The following NCOA6 variants were observed in gnomAD, a reference collection of about 807,000 sequenced individuals.
NCOA6 encodes the protein NRC RAP250.
A neutral mutation model predicts 171.4 loss-of-function variants in NCOA6; 49 were observed. That is an observed-to-expected ratio of 0.29 (90% CI 0.23 to 0.36). The LOEUF is 0.36. Among genes scored for constraint, NCOA6 ranks in the 10% least tolerant of loss-of-function variants. NCOA6 has a pLI of 1.00. For synonymous variants in NCOA6, 910 were observed against 927.5 expected (o/e 0.98, Z 0.34); for missense variants, 2,248 against 2,554.5 (o/e 0.88, Z 2.59).
rs1390994698 is a variant in NCOA6 at position 34,768,367 on chromosome 20, T to G, written c.514+97A>C. On this transcript the variant is annotated intron_variant, in intron 5 of 14. Coordinates refer to ENST00000359003, the MANE Select transcript of NCOA6 (RefSeq NM_014071.5). The stretch of plus-strand genomic sequence containing the variant: ...ATTCAGCAAATAGAGATGTTAAGTA[T>G]GCCATGAACCCCCACCTATCTTGCA... 8 of 1,459,454 alleles carry G rather than the reference T, an allele frequency of 5.5e-6. No individual in the cohort carries two copies. In the East Asian group the frequency reaches 1.6e-4, roughly 29 times the overall value. 90.4% of individuals were successfully genotyped at this position (1,459,454 alleles called of 1,614,324 possible). A position where few individuals can be genotyped will look rare whatever the true frequency, so the allele number is the denominator to read the frequency against.
At chr20:34,818,191 CA>C in intron 1 of NCOA6, among the ~76,000 whole-genome samples, 1 of 152,174 alleles carries the variant, frequency 6.6e-6, no homozygotes, top group African/African-American at 2.4e-5. Context: ...AGTAAGCATG[CA>C]AAAAATGTGA....
chr20:34,785,024 T>C (rs1271404221), intron 2 of NCOA6, among the ~76,000 whole-genome samples: 3 of 151,974 alleles, frequency 2.0e-5, no homozygotes, highest in Non-Finnish European at 2.9e-5. Context: ...GAGGCTGCAG[T>C]GAGCTGAGAT....
At chr20:34,805,040 AC>A (rs2078399223) in intron 1 of NCOA6, among the ~76,000 whole-genome samples, 1 of 140,128 alleles carries the variant, frequency 7.1e-6, no homozygotes, top group Non-Finnish European at 1.5e-5. Context: ...TATTTCTTAT[AC>A]CCTTTTTTTT....
chr20:34,776,747 C>A, intron 3 of NCOA6: 1 of 506,658 alleles, frequency 2.0e-6, no homozygotes, highest in Non-Finnish European at 3.8e-6. Context: ...TGCAAAAAAT[C>A]TAGCATAGTA....
At chr20:34,748,421 TG>T (rs1456896899) in intron 9 of NCOA6, among the ~76,000 whole-genome samples, 5 of 152,220 alleles carry the variant, frequency 3.3e-5, no homozygotes, top group Non-Finnish European at 7.3e-5. Flanking sequence ...TAAAGGTAGT[TG>T]GTTTAATTTT....
chr20:34,807,260 C>T (rs1232811418), intron 1 of NCOA6, among the ~76,000 whole-genome samples: 3 of 152,148 alleles, frequency 2.0e-5, no homozygotes, highest in Non-Finnish European at 4.4e-5. Context: ...AATTCTGTCA[C>T]CAACCAAGTT....
intron 2 of NCOA6, among the ~76,000 whole-genome samples, chr20:34,789,566 C>T (rs1303129306): frequency 6.6e-6 from 1 of 152,036 alleles, no homozygotes; most frequent in Non-Finnish European, 1.5e-5. Flanking sequence ...TGAGCTCAGG[C>T]TTTTGAGACC....
chr20:34,788,112 C>G (rs1056741381), intron 2 of NCOA6, among the ~76,000 whole-genome samples: 9 of 152,020 alleles, frequency 5.9e-5, no homozygotes, highest in Admixed American at 1.3e-4. Context: ...AGCAATCCGC[C>G]CACCTTGGCC....
In NCOA6 at chr20:34,782,206, C is replaced by A; in HGVS notation, c.150G>T (p.Val50=). 6.2e-7 allele frequency: 1 copy of A among 1,612,390 alleles called. No individual in the cohort carries two copies. Among genetic ancestry groups the A allele is most frequent in the East Asian group, 2.2e-5 (1 of 44,732 alleles). Residue 50 remains valine (V), a synonymous_variant, in exon 3 of 15, where the codon GTG becomes GTT. Coordinates refer to ENST00000359003, the MANE Select transcript of NCOA6 (RefSeq NM_014071.5). ...TATCATCTATATTTCCTTTGAAGGC[C>A]ACAAAAATTGTGGAATCCTCCAAAA... ...DSILEDSTIF[V]AFKGNIDDKD...
At position 34,811,205 on chromosome 20, in the gene NCOA6, A is replaced by ATG. The variant is rs2078651309; in HGVS notation, c.-164+14266_-164+14267insCA. On this transcript the variant is annotated intron_variant, in intron 1 of 14. Transcript: ENST00000359003. ...TAACAACAACAACAACAACGTGTAT[A>ATG]TATATATATATATATATATATATAT... 5.7e-5 allele frequency among the ~76,000 whole-genome samples: 5 copies of ATG among 86,992 alleles called. No homozygotes were observed. The South Asian group carries it at 2.8e-3, about 48-fold the overall frequency. 57.1% of individuals were successfully genotyped at this position (86,992 alleles called of 152,430 possible).
chr20:34,746,017 T>C (rs1342184853), intron 10 of NCOA6, among the ~76,000 whole-genome samples: 2 of 152,178 alleles, frequency 1.3e-5, no homozygotes, highest in Non-Finnish European at 2.9e-5. Context: ...GTCTCTTTTA[T>C]TCTTTATATC....
Position 34,742,752 on chromosome 20 carries a change from A to G in NCOA6, c.3504T>C (p.Pro1168=). ...GAGTTGCTGAAAGGGGCGATGGTCCAGGTTTTGGCCCTGTCATCATTAACT... is the reference window on the plus strand; with the variant it reads ...GAGTTGCTGAAAGGGGCGATGGTCCGGGTTTTGGCCCTGTCATCATTAACT... The part of the protein sequence containing the change: ...QNQLMMTGPK[P]GPSPLSATQG... The change falls in exon 11 of 15, where the codon CCT becomes CCC. Residue 1168 remains proline, a synonymous_variant. Coordinates refer to ENST00000359003, the MANE Select transcript of NCOA6 (RefSeq NM_014071.5). 1 of 1,614,134 alleles carries G rather than the reference A, an allele frequency of 6.2e-7. No individual in the cohort carries two copies. The highest frequency in any genetic ancestry group is 8.5e-7 in the Non-Finnish European group (1 of 1,180,012).
At chr20:34,715,705 A>G (rs1053734780) in intron 14 of NCOA6, among the ~76,000 whole-genome samples, 4 of 152,206 alleles carry the variant, frequency 2.6e-5, no homozygotes, top group African/African-American at 9.7e-5. Context: ...TAATAGACAG[A>G]CTGACAATGC....
At chr20:34,764,511 T>C (rs1450235319) in intron 5 of NCOA6, among the ~76,000 whole-genome samples, 1 of 151,766 alleles carries the variant, frequency 6.6e-6, no homozygotes, top group Non-Finnish European at 1.5e-5. Flanking sequence ...CTGGCCAAGA[T>C]GGTGAAACTA....
intron 1 of NCOA6, among the ~76,000 whole-genome samples, chr20:34,809,090 C>CT (rs1236132352): frequency 2.6e-5 from 4 of 152,062 alleles, no homozygotes; most frequent in African/African-American, 9.7e-5. Flanking sequence ...GCTTATTTTG[C>CT]TTTTTGGATT....
intron 12 of NCOA6, 24 bp downstream of exon 12, chr20:34,736,666 A>G (rs1600784266): frequency 6.3e-7 from 1 of 1,588,844 alleles, no homozygotes; most frequent in East Asian, 2.3e-5. Context: ...CCACTCCAAG[A>G]AGTTTTTCCA....
Position 34,732,575 on chromosome 20 carries a change from T to C in NCOA6, c.5983A>G (p.Ile1995Val), listed in dbSNP as rs6060022. The change falls in exon 13 of 15, where the codon ATA becomes GTA. Residue 1995 changes from isoleucine (I) to valine (V), a missense_variant. Coordinates refer to ENST00000359003, the MANE Select transcript of NCOA6 (RefSeq NM_014071.5). ...ARPELEVNAA[I>V]VSGQSSEPKE... Reference sequence around the variant, plus strand: ...TCATCTTACCTTTGTCCAGAGACTATGGCAGCATTTACCTCCAGCTCTGCA... The same window carrying C: ...TCATCTTACCTTTGTCCAGAGACTACGGCAGCATTTACCTCCAGCTCTGCA... 8.1e-4 allele frequency: 1,304 copies of C among 1,613,866 alleles called. 12 individuals are homozygous for C. In the Middle Eastern group the frequency reaches 0.012, roughly 14 times the overall value.
chr20:34,737,535 C>A (rs1442020642), intron 11 of NCOA6, among the ~76,000 whole-genome samples: 1 of 152,186 alleles, frequency 6.6e-6, no homozygotes, highest in African/African-American at 2.4e-5. Context: ...GTTGAGAAAT[C>A]TGAAGGTACA....
rs59381364 is a variant in NCOA6 at position 34,794,310 on chromosome 20, C to T, written c.-163-1747G>A. On this transcript the variant is annotated intron_variant, in intron 1 of 14. Transcript: ENST00000359003. ...AAACTTCATCTCTTAAAAAAAATTA[C>T]AATTGCATAAACTATTAACCTAGCA... 9.9e-3 allele frequency among the ~76,000 whole-genome samples: 1,506 copies of T among 152,218 alleles called. 24 individuals are homozygous for T. Among genetic ancestry groups the T allele is most frequent in the African/African-American group, 0.033 (1,383 of 41,556 alleles).
Sources: gnomAD v4.1 joint callset for allele counts (sites outside exome capture counted in the v4.1 genomes callset) on GRCh38, gnomAD v4.1.1 for gene constraint, MANE v1.5 for transcripts, NCBI Gene and HGNC (gene_info 2026-07-23, HGNC 2026-07-21) for gene names.